CAMTA1: variants seen among roughly 807,000 people sequenced by gnomAD.
CAMTA1 encodes the protein calmodulin binding transcription activator 1.
A neutral mutation model predicts 170.9 loss-of-function variants in CAMTA1; 27 were observed. That is an observed-to-expected ratio of 0.16 (90% CI 0.12 to 0.22). The LOEUF (loss-of-function observed/expected upper bound fraction) is 0.22, where lower values mean the gene tolerates loss of function less well. Among genes scored for constraint, CAMTA1 ranks in the 10% least tolerant of loss-of-function variants. CAMTA1 has a pLI of 1.00. For missense variants in CAMTA1, 1,619 were observed against 2,217.2 expected (o/e 0.73, Z 5.42); for synonymous variants, 833 against 891.5 (o/e 0.93, Z 1.17).
chr1:7,661,490 C>T (rs1311446544), intron 7 of CAMTA1, among the ~76,000 whole-genome samples: 1 of 152,232 alleles, frequency 6.6e-6, no homozygotes, highest in East Asian at 1.9e-4. Context: ...CTGGGCTGCA[C>T]CATAGTGAGG....
intron 3 of CAMTA1, among the ~76,000 whole-genome samples, chr1:7,022,261 G>A (rs1572500312): frequency 1.3e-5 from 2 of 152,206 alleles, no homozygotes; most frequent in Admixed American, 6.5e-5. Flanking sequence ...TGCATTCCCA[G>A]CAGGGTACCT....
intron 3 of CAMTA1, among the ~76,000 whole-genome samples, chr1:6,951,539 G>A (rs907481918): frequency 6.6e-6 from 1 of 152,158 alleles, no homozygotes; most frequent in Admixed American, 6.5e-5. Flanking sequence ...TATAAGAAGC[G>A]TCTTTATCCC....
chr1:6,945,647 C>A lies in CAMTA1; in HGVS notation c.234+120437C>A, dbSNP rs1270494197. 4.6e-5 allele frequency among the ~76,000 whole-genome samples: 7 copies of A among 152,278 alleles called. No homozygotes were observed. The East Asian group carries it at 9.6e-4, about 21-fold the overall frequency. On this transcript the variant is annotated intron_variant, in intron 3 of 22. Coordinates refer to ENST00000303635, the MANE Select transcript of CAMTA1 (RefSeq NM_015215.4). ...AGGCGTGAACCACTGTACCCAGCCA[C>A]CCTATGCCTTTTAGCTGTCACTCCT...
rs751419010 is a variant in CAMTA1 at position 7,634,389 on chromosome 1, GC to G, written c.511-6010del. ...TGGGAAGCCTGGAGGGGCCAAGGGT[GC>G]TGAGCAGGAGGTCGGGAGGCGAGGT... On this transcript the variant is annotated intron_variant, in intron 6 of 22. Coordinates refer to ENST00000303635, the MANE Select transcript of CAMTA1 (RefSeq NM_015215.4). This position sits in a 1 kb window ranked among gnomAD's most constrained non-coding sequence, Gnocchi z 6.2. 4.0e-4 allele frequency among the ~76,000 whole-genome samples: 61 copies of G among 152,266 alleles called. No individual in the cohort carries two copies. The highest frequency in any genetic ancestry group is 1.5e-4 in the Non-Finnish European group (10 of 68,026).
At chr1:7,696,689 A>G (rs2096380789) in intron 11 of CAMTA1, among the ~76,000 whole-genome samples, 1 of 151,934 alleles carries the variant, frequency 6.6e-6, no homozygotes, top group Non-Finnish European at 1.5e-5. Context: ...GGAAAAGTTG[A>G]CTGTAGCCCC....
intron 3 of CAMTA1, among the ~76,000 whole-genome samples, chr1:6,830,268 T>C (rs1649298511): frequency 6.6e-6 from 1 of 151,706 alleles, no homozygotes. Context: ...GATCTCCTGA[T>C]CTCCTGACCT....
chr1:7,270,345 A>G (rs1217223517), intron 5 of CAMTA1, among the ~76,000 whole-genome samples: 1 of 145,992 alleles, frequency 6.8e-6, no homozygotes, highest in Non-Finnish European at 1.5e-5. Context: ...CCCAGGTTGG[A>G]ATGCAATGGT....
In CAMTA1 at chr1:7,543,968, C is replaced by A. The variant is rs1400733721; in HGVS notation, c.510+76067C>A. On this transcript the variant is annotated intron_variant, in intron 6 of 22. Coordinates refer to ENST00000303635, the MANE Select transcript of CAMTA1 (RefSeq NM_015215.4). ...CCAAGCTTAGTTTAATGCCTTGCTGCCGTATTCTCAAAATTCTTAATAGTT... is the reference window on the plus strand; with the variant it reads ...CCAAGCTTAGTTTAATGCCTTGCTGACGTATTCTCAAAATTCTTAATAGTT... Among the ~76,000 whole-genome samples the A allele has an allele frequency of 2.0e-5, 3 of 152,066 alleles. No homozygotes were observed. The East Asian group carries it at 5.8e-4, about 29-fold the overall frequency.
intron 6 of CAMTA1, among the ~76,000 whole-genome samples, chr1:7,511,882 A>G (rs1477636551): frequency 3.9e-5 from 6 of 152,218 alleles, no homozygotes; most frequent in Admixed American, 2.6e-4. Context: ...CTGGGAGACA[A>G]GAACACAGGC....
intron 11 of CAMTA1, among the ~76,000 whole-genome samples, chr1:7,686,350 G>A (rs1023806943): frequency 6.6e-6 from 1 of 152,184 alleles, no homozygotes; most frequent in Non-Finnish European, 1.5e-5. Flanking sequence ...GTATGAGAAG[G>A]TGATATTCAA....
At chr1:7,472,402 T>C (rs79217813) in intron 6 of CAMTA1, among the ~76,000 whole-genome samples, 6,567 of 152,140 alleles carry the variant, frequency 0.043, 183 homozygotes, top group East Asian at 0.1. Flanking sequence ...ACCATGCCAC[T>C]GGACACCTCT....
chr1:7,197,174 G>A (rs1655675116), intron 4 of CAMTA1, among the ~76,000 whole-genome samples: 1 of 152,178 alleles, frequency 6.6e-6, no homozygotes. Flanking sequence ...ACATTTCATA[G>A]GAAGATGAAG....
intron 3 of CAMTA1, among the ~76,000 whole-genome samples, chr1:7,054,141 G>A (rs1000264591): frequency 3.3e-5 from 5 of 152,182 alleles, no homozygotes; most frequent in Non-Finnish European, 7.3e-5. Context: ...CCCTGGGCCT[G>A]CCCACTTGAT....
At chr1:7,382,534 A>G (rs370433183) in intron 5 of CAMTA1, 1 of 152,192 alleles carries the variant, frequency 6.6e-6, no homozygotes. Flanking sequence ...GCTATGGGGA[A>G]TTGGCAAGCC....
At chr1:7,690,381 C>T (rs981883921) in intron 11 of CAMTA1, among the ~76,000 whole-genome samples, 2 of 152,198 alleles carry the variant, frequency 1.3e-5, no homozygotes, top group African/African-American at 2.4e-5. Context: ...ATCAGCAGAT[C>T]GGGAGGTACC....
At chr1:7,409,838 A>G (rs2090582239) in intron 5 of CAMTA1, among the ~76,000 whole-genome samples, 2 of 152,218 alleles carry the variant, frequency 1.3e-5, no homozygotes, top group African/African-American at 4.8e-5. Flanking sequence ...CAGCAAGGTG[A>G]CACCCAAGTT....
intron 4 of CAMTA1, among the ~76,000 whole-genome samples, chr1:7,111,906 A>C (rs11120848): frequency 0.31 from 43,779 of 139,196 alleles, 7,430 homozygotes; most frequent in Middle Eastern, 0.41. Context: ...AAAAAAAAAA[A>C]AAAAAACCGA....
intron 5 of CAMTA1, among the ~76,000 whole-genome samples, chr1:7,449,973 AG>A (rs1197498742): frequency 1.3e-5 from 2 of 151,776 alleles, no homozygotes; most frequent in Non-Finnish European, 2.9e-5. Flanking sequence ...GAGGGAGGAG[AG>A]GGGCAGGGTT....
intron 4 of CAMTA1, among the ~76,000 whole-genome samples, chr1:7,210,443 G>A (rs578210305): frequency 6.6e-6 from 1 of 152,314 alleles, no homozygotes; most frequent in East Asian, 1.9e-4. Flanking sequence ...AAGGTGCATG[G>A]TTGCCTGCCC....
Sources: gnomAD v4.1 joint callset for allele counts (sites outside exome capture counted in the v4.1 genomes callset) on GRCh38, gnomAD v4.1.1 for gene constraint, Gnocchi (gnomAD v3.1) non-coding constraint, MANE v1.5 for transcripts, NCBI Gene and HGNC (gene_info 2026-07-23, HGNC 2026-07-21) for gene names.